The following RYR3 variants were observed in gnomAD, a reference collection of about 807,000 sequenced individuals.
RYR3 encodes brain ryanodine receptor-calcium release channel.
A neutral mutation model predicts 584.3 loss-of-function variants in RYR3; 207 were observed. That is an observed-to-expected ratio of 0.35 (90% CI 0.32 to 0.40). The LOEUF (loss-of-function observed/expected upper bound fraction) is 0.40, where lower values mean the gene tolerates loss of function less well. Among genes scored for constraint, RYR3 ranks in the 10% least tolerant of loss-of-function variants. The pLI is 1.00. For missense variants in RYR3, 5,616 were observed against 6,089.2 expected, an observed-to-expected ratio of 0.92 and a Z score of 2.59; for synonymous variants, 2,416 against 2,248.5, an observed-to-expected ratio of 1.07 and a Z score of -2.11.
At chr15:33,684,235 G>C (rs1360508670) in intron 38 of RYR3, among the ~76,000 whole-genome samples, 1 of 152,164 alleles carries the variant, frequency 6.6e-6, no homozygotes, top group Admixed American at 6.5e-5. Context: ...CTCCCAGTAG[G>C]GGGCAACACA....
chr15:33,778,954 C>A (rs2074206181), intron 64 of RYR3, among the ~76,000 whole-genome samples: 1 of 152,164 alleles, frequency 6.6e-6, no homozygotes, highest in South Asian at 2.1e-4. Context: ...AAACATAAAA[C>A]CACATATATT....
intron 97 of RYR3, 111 bp downstream of exon 97, chr15:33,854,560 C>T: frequency 1.8e-6 from 2 of 1,082,538 alleles, no homozygotes; most frequent in Non-Finnish European, 2.7e-6. Flanking sequence ...TATCAAAGAC[C>T]AAGAGCCTTA....
At chr15:33,604,572 G>A (rs955919293) in intron 18 of RYR3, among the ~76,000 whole-genome samples, 10 of 152,184 alleles carry the variant, frequency 6.6e-5, no homozygotes, top group African/African-American at 1.9e-4. Context: ...AAAAGCCTTC[G>A]TTCATGTTCT....
Position 33,632,934 on chromosome 15 carries a change from T to C in RYR3, c.2868-15T>C. ...GAGATCTGTTAAAAATGTATACTTT[T>C]ACATTTACTTGTAGCTATATGATGT... On this transcript the variant is annotated splice_polypyrimidine_tract_variant and intron_variant, in intron 23 of 103. Transcript: ENST00000634891. The C allele has an allele frequency of 6.2e-6, 10 of 1,602,074 alleles. No homozygotes were observed. The highest frequency in any genetic ancestry group is 8.5e-6 in the Non-Finnish European group (10 of 1,173,546).
intron 2 of RYR3, among the ~76,000 whole-genome samples, chr15:33,490,962 G>T (rs917022866): frequency 6.6e-6 from 1 of 152,080 alleles, no homozygotes; most frequent in Admixed American, 6.5e-5. Context: ...GAAGGGTGGT[G>T]GTTCCCATCT....
At chr15:33,644,714 G>A (rs1236754517) in intron 28 of RYR3, among the ~76,000 whole-genome samples, 195 bp downstream of exon 28, 1 of 152,244 alleles carries the variant, frequency 6.6e-6, no homozygotes, top group Non-Finnish European at 1.5e-5. Flanking sequence ...TCTTACGAGA[G>A]GCATCAGCCT....
At chr15:33,450,098 A>AAAAAAAAC (rs2046996739) in intron 1 of RYR3, among the ~76,000 whole-genome samples, 1 of 148,758 alleles carries the variant, frequency 6.7e-6, no homozygotes, top group Non-Finnish European at 1.5e-5. Context: ...AAAAAAAAAA[A>AAAAAAAAC]AAAAAAAAAA....
At chr15:33,613,475 C>A (rs1339847684) in intron 19 of RYR3, 100 bp downstream of exon 19, 81 of 1,212,078 alleles carry the variant, frequency 6.7e-5, no homozygotes, top group Non-Finnish European at 8.5e-5. Flanking sequence ...GGCTTCAGTA[C>A]TGTGAACTAA....
chr15:33,481,764 G>GAGCCACC (rs1416964818), intron 2 of RYR3, among the ~76,000 whole-genome samples: 1 of 149,822 alleles, frequency 6.7e-6, no homozygotes, highest in Non-Finnish European at 1.5e-5. Flanking sequence ...TTACAGGAGT[G>GAGCCACC]AGCCACCAGG....
chr15:33,441,756 T>G (rs959719790), intron 1 of RYR3, among the ~76,000 whole-genome samples: 2 of 152,214 alleles, frequency 1.3e-5, no homozygotes, highest in Non-Finnish European at 2.9e-5. Context: ...CTACTTTATT[T>G]CTGCAAATGT....
chr15:33,375,482 T>C (rs577494734), intron 1 of RYR3, among the ~76,000 whole-genome samples: 7 of 152,166 alleles, frequency 4.6e-5, no homozygotes, highest in East Asian at 3.9e-4. Flanking sequence ...CCAGATAAAA[T>C]AGAGAAGCTG....
chr15:33,346,991 T>C (rs1421665646), intron 1 of RYR3, among the ~76,000 whole-genome samples: 2 of 152,150 alleles, frequency 1.3e-5, no homozygotes, highest in Non-Finnish European at 2.9e-5. Context: ...ATGCATCTGG[T>C]GTTTTTCTCA....
At chr15:33,776,603 G>C (rs1341905951) in intron 64 of RYR3, among the ~76,000 whole-genome samples, 5 of 152,074 alleles carry the variant, frequency 3.3e-5, no homozygotes, top group Non-Finnish European at 5.9e-5. Context: ...AAACCTCTAA[G>C]GTCACCATCA....
intron 1 of RYR3, among the ~76,000 whole-genome samples, chr15:33,337,703 C>G (rs74005179): frequency 0.091 from 13,862 of 152,034 alleles, 1,398 homozygotes; most frequent in African/African-American, 0.25. Flanking sequence ...GGAAAATAAC[C>G]TGATAACATG....
At chr15:33,767,604 A>G (rs1023298485) in intron 60 of RYR3, among the ~76,000 whole-genome samples, 3 of 152,198 alleles carry the variant, frequency 2.0e-5, no homozygotes, top group African/African-American at 4.8e-5. Flanking sequence ...GAGTTGTCCT[A>G]TGGAAGACTT....
rs1300473996 is a variant in RYR3 at position 33,632,992 on chromosome 15, T to C, written c.2911T>C (p.Ser971Pro). The change falls in exon 24 of 104, where the codon TCT (serine) becomes CCT (proline). Residue 971 changes from serine (S) to proline (P), a missense_variant. Ser to Pro is a moderately conservative substitution (Grantham distance 74). Coordinates refer to ENST00000634891, the MANE Select transcript of RYR3 (RefSeq NM_001036.6). The stretch of plus-strand genomic sequence containing the variant: ...CTATAAGCCAGCCCCTTTGGATTTG[T>C]CTGATGTGAAGCTGTTACCTCCTCA... ...NGYKPAPLDL[S>P]DVKLLPPQEI... The C allele has an allele frequency of 6.2e-7, 1 of 1,613,992 alleles. No homozygotes were observed. Among genetic ancestry groups the C allele is most frequent in the African/African-American group, 1.3e-5 (1 of 75,052 alleles).
chr15:33,500,671 C>T (rs1007491171), intron 2 of RYR3, among the ~76,000 whole-genome samples: 26 of 152,110 alleles, frequency 1.7e-4, no homozygotes, highest in African/African-American at 3.9e-4. Context: ...ACACTTGCCC[C>T]GTGCCTGCCA....
intron 37 of RYR3, among the ~76,000 whole-genome samples, chr15:33,669,862 G>GTT (rs59643451): frequency 4.6e-5 from 2 of 43,536 alleles, no homozygotes; most frequent in South Asian, 1.0e-3. Flanking sequence ...GGGGGGGTGT[G>GTT]GGTGTGTGGG....
chr15:33,769,000 T>G, intron 61 of RYR3, 112 bp from the exon 62 acceptor site: 1 of 827,154 alleles, frequency 1.2e-6, no homozygotes, highest in Non-Finnish European at 2.1e-6. Flanking sequence ...CAGGACTTTA[T>G]GTGTTGGTAG....
Sources: gnomAD v4.1 joint callset for allele counts (sites outside exome capture counted in the v4.1 genomes callset) on GRCh38, gnomAD v4.1.1 for gene constraint, MANE v1.5 for transcripts, NCBI Gene and HGNC (gene_info 2026-07-23, HGNC 2026-07-21) for gene names.